The following RANBP9 variants were observed in gnomAD, a reference collection of about 807,000 sequenced individuals.
RANBP9 encodes the protein RAN binding protein 9.
Under a neutral mutation model 84.3 loss-of-function variants are expected in RANBP9, and 15 were observed. The observed-to-expected ratio is 0.18, with a 90% CI of 0.12 to 0.27. The LOEUF (loss-of-function observed/expected upper bound fraction) is 0.27. Ranked by LOEUF, RANBP9 falls within the 10% of genes least tolerant of loss-of-function variation. The pLI, the probability that RANBP9 is intolerant of heterozygous loss-of-function variation, is 1.00. For missense variants in RANBP9, 809 were observed against 912.8 expected, an observed-to-expected ratio of 0.89 and a Z score of 1.46; for synonymous variants, 392 against 349.6, an observed-to-expected ratio of 1.12 and a Z score of -1.35.
At position 13,652,700 on chromosome 6, in the gene RANBP9, G is replaced by T. The variant is rs746716775; in HGVS notation, c.905-19C>A. 1.3e-6 allele frequency: 2 copies of T among 1,581,022 alleles called. No individual in the cohort carries two copies. The highest frequency in any genetic ancestry group is 4.5e-5 in the East Asian group (2 of 44,544). ...GCAATACCTAAAAAGAAAAAAAAAA[G>T]TGGCATTAGAAGCTGTTTTTCAAAG... On this transcript the variant is annotated intron_variant, in intron 4 of 13. Transcript: ENST00000011619.
Position 13,711,669 on chromosome 6 carries a change from C to T in RANBP9, c.-164G>A, listed in dbSNP as rs1173048987. On this transcript the variant is annotated 5_prime_UTR_variant, in exon 1 of 14. Transcript: ENST00000011619. The stretch of plus-strand genomic sequence containing the variant: ...CAGGGAGACCGCGGCGGTTGAGGAG[C>T]TCGGAGACGCGGGAGTAGGCGGCGG... 1 of 493,160 alleles carries T rather than the reference C, an allele frequency of 2.0e-6. No individual in the cohort carries two copies. Among genetic ancestry groups the T allele is most frequent in the East Asian group, 4.7e-5 (1 of 21,412 alleles). 30.5% of individuals were successfully genotyped at this position (493,160 alleles called of 1,614,324 possible).
chr6:13,660,982 G>C lies in RANBP9; in HGVS notation c.684-2150C>G, dbSNP rs143256851. Among the ~76,000 whole-genome samples, 63 of 152,322 alleles carry C rather than the reference G, an allele frequency of 4.1e-4. No homozygotes were observed. The East Asian group carries it at 0.012, about 28-fold the overall frequency. On this transcript the variant is annotated intron_variant, in intron 2 of 13. Transcript: ENST00000011619. Reference sequence around the variant, plus strand: ...TGGACCTGCAAAGCTCTGAGTCTATGAGCACTCAATAGTGGCTCAAAGTTC... The same window carrying C: ...TGGACCTGCAAAGCTCTGAGTCTATCAGCACTCAATAGTGGCTCAAAGTTC...
intron 2 of RANBP9, among the ~76,000 whole-genome samples, chr6:13,696,451 A>AG (rs943516130): frequency 6.6e-6 from 1 of 152,178 alleles, no homozygotes; most frequent in African/African-American, 2.4e-5. Context: ...TATGATTACT[A>AG]GTTTGAGAGG....
chr6:13,634,382 C>A, intron 11 of RANBP9, 49 bp downstream of exon 11: 2 of 1,594,210 alleles, frequency 1.3e-6, no homozygotes, highest in Non-Finnish European at 1.7e-6. Flanking sequence ...AAAACATAAC[C>A]TTGTAGCCAT....
chr6:13,642,467 C>G lies in RANBP9; in HGVS notation c.1225+12G>C, dbSNP rs751251899. ...GAAAACAAATGTTAGCCATGCACCACAGTGTCCTTACTTTGTCTATTCTTA... is the reference window on the plus strand; with the variant it reads ...GAAAACAAATGTTAGCCATGCACCAGAGTGTCCTTACTTTGTCTATTCTTA... On this transcript the variant is annotated intron_variant, in intron 7 of 13. Coordinates refer to ENST00000011619, the MANE Select transcript of RANBP9 (RefSeq NM_005493.3). 1.1e-5 allele frequency: 16 copies of G among 1,475,784 alleles called. No homozygotes were observed. The highest frequency in any genetic ancestry group is 1.5e-5 in the Non-Finnish European group (16 of 1,078,670). 91.4% of individuals were successfully genotyped at this position (1,475,784 alleles called of 1,614,324 possible). A position where few individuals can be genotyped will look rare whatever the true frequency, so the allele number is the denominator to read the frequency against.
intron 2 of RANBP9, among the ~76,000 whole-genome samples, chr6:13,692,932 T>G (rs972432874): frequency 6.6e-6 from 1 of 152,256 alleles, no homozygotes; most frequent in South Asian, 2.1e-4. Context: ...CATTTATTCA[T>G]ACCTTTAAAA....
At position 13,637,793 on chromosome 6, in the gene RANBP9, A is replaced by G; in HGVS notation, c.1673+15T>C. 1 of 1,568,278 alleles carries G rather than the reference A, an allele frequency of 6.4e-7. No individual in the cohort carries two copies. Among genetic ancestry groups the G allele is most frequent in the Admixed American group, 2.0e-5 (1 of 50,920 alleles). On this transcript the variant is annotated intron_variant, in intron 10 of 13. Coordinates refer to ENST00000011619, the MANE Select transcript of RANBP9 (RefSeq NM_005493.3). ...GGTTGCTTATATTAGTGCAAAAGTC[A>G]GTGAAATTACTTACCTGGTGAAGTT... is the stretch of plus-strand genomic sequence containing the variant.
At position 13,708,574 on chromosome 6, in the gene RANBP9, C is replaced by T. The variant is rs138166779; in HGVS notation, c.571+2361G>A. The stretch of plus-strand genomic sequence containing the variant: ...ATCATTCTTTTGAAATTCTGTAATA[C>T]GTGAATATATGAATAGTAGTTTTTA... On this transcript the variant is annotated intron_variant, in intron 1 of 13. Coordinates refer to ENST00000011619, the MANE Select transcript of RANBP9 (RefSeq NM_005493.3). 5.3e-5 allele frequency among the ~76,000 whole-genome samples: 8 copies of T among 152,258 alleles called. No individual in the cohort carries two copies. The South Asian group carries it at 1.0e-3, about 20-fold the overall frequency.
chr6:13,632,908 A>T (rs1271167040), intron 11 of RANBP9, among the ~76,000 whole-genome samples: 4 of 151,896 alleles, frequency 2.6e-5, no homozygotes, highest in Non-Finnish European at 4.4e-5. Flanking sequence ...CGTAGTAGAG[A>T]TGTAATAAAA....
intron 2 of RANBP9, among the ~76,000 whole-genome samples, chr6:13,661,461 T>C (rs770492028): frequency 1.4e-4 from 21 of 149,416 alleles, no homozygotes; most frequent in Non-Finnish European, 2.1e-4. Context: ...AAATATAATA[T>C]CAACAAATGT....
At chr6:13,642,075 C>T (rs1035175269) in intron 7 of RANBP9, among the ~76,000 whole-genome samples, 2 of 152,190 alleles carry the variant, frequency 1.3e-5, no homozygotes, top group South Asian at 2.1e-4. Flanking sequence ...ATAATAAATA[C>T]TTATGGATCA....
At chr6:13,690,545 A>G (rs1430007358) in intron 2 of RANBP9, among the ~76,000 whole-genome samples, 1 of 152,224 alleles carries the variant, frequency 6.6e-6, no homozygotes, top group Non-Finnish European at 1.5e-5. Context: ...AGAATTTAGG[A>G]ACAGAACAGA....
intron 2 of RANBP9, among the ~76,000 whole-genome samples, chr6:13,668,412 A>G (rs1196269968): frequency 6.6e-6 from 1 of 152,132 alleles, no homozygotes; most frequent in Non-Finnish European, 1.5e-5. Flanking sequence ...AGATAAAGGC[A>G]TCACAAAAAA....
At chr6:13,694,343 A>G (rs1048835002) in intron 2 of RANBP9, among the ~76,000 whole-genome samples, 3 of 152,260 alleles carry the variant, frequency 2.0e-5, no homozygotes, top group African/African-American at 7.2e-5. Flanking sequence ...TTCTATGAAT[A>G]TATACAACAG....
intron 10 of RANBP9, among the ~76,000 whole-genome samples, chr6:13,636,735 T>C (rs528577866): frequency 6.6e-6 from 1 of 152,366 alleles, no homozygotes; most frequent in African/African-American, 2.4e-5. Context: ...TCTGCTCTTC[T>C]CATACACTTT....
At position 13,706,905 on chromosome 6, in the gene RANBP9, G is replaced by C. The variant is rs147380914; in HGVS notation, c.571+4030C>G. Among the ~76,000 whole-genome samples, 502 of 151,026 alleles carry C rather than the reference G, an allele frequency of 3.3e-3. 3 individuals are homozygous for C. Among genetic ancestry groups the C allele is most frequent in the African/African-American group, 0.012 (481 of 41,022 alleles). ...TAATCCCAGCTACTCAGCTACTCAG[G>C]AGGCTGAGGCAGAAGAACTGCATGA... On this transcript the variant is annotated intron_variant, in intron 1 of 13. Coordinates refer to ENST00000011619, the MANE Select transcript of RANBP9 (RefSeq NM_005493.3).
intron 1 of RANBP9, among the ~76,000 whole-genome samples, chr6:13,697,775 T>G (rs960845535): frequency 6.6e-6 from 1 of 152,200 alleles, no homozygotes; most frequent in African/African-American, 2.4e-5. Context: ...AAAGTACTCA[T>G]AGAGTATGAG....
chr6:13,659,130 A>G (rs1765478447), intron 2 of RANBP9, among the ~76,000 whole-genome samples: 2 of 152,108 alleles, frequency 1.3e-5, no homozygotes, highest in South Asian at 4.1e-4. Flanking sequence ...ATTTACAGAT[A>G]AATGTTTGGG....
intron 5 of RANBP9, 125 bp downstream of exon 5, chr6:13,652,534 C>CTG: frequency 1.1e-6 from 1 of 887,006 alleles, no homozygotes; most frequent in East Asian, 2.7e-5. Context: ...TCTTTCTTTG[C>CTG]ATGTCATATA....
Sources: allele counts gnomAD v4.1 joint callset (sites outside exome capture counted in the v4.1 genomes callset), GRCh38; gene constraint gnomAD v4.1.1; transcripts MANE v1.5; gene names NCBI Gene and HGNC (gene_info 2026-07-23, HGNC 2026-07-21).